Variants in ST8SIA5 observed in about 807,000 individuals in gnomAD.
ST8SIA5 encodes alpha-2,8-sialyltransferase 8E.
ST8SIA5 carries 24 observed loss-of-function variants against 40.2 expected under a neutral mutation model. The observed-to-expected ratio is 0.60, with a 90% CI of 0.43 to 0.84. ST8SIA5 has a LOEUF of 0.84. ST8SIA5 is among the 40% of genes least tolerant of loss of function. The probability of loss-of-function intolerance (pLI) is 0.00; values close to 1 mark genes in which losing one functional copy is unlikely to be tolerated. For synonymous variants in ST8SIA5, 198 were observed against 201.8 expected, an observed-to-expected ratio of 0.98 and a Z score of 0.16; for missense variants, 465 against 498.5, an observed-to-expected ratio of 0.93 and a Z score of 0.64.
In ST8SIA5 at chr18:46,682,010, C is replaced by T. The variant is rs375006260; in HGVS notation, c.624G>A (p.Thr208=). The change falls in exon 6 of 7, where the codon ACG becomes ACA. Residue 208 remains threonine, a synonymous_variant. Coordinates refer to ENST00000315087, the MANE Select transcript of ST8SIA5 (RefSeq NM_013305.6). ...EKYTMDVGVK[T]DVVTVNPSII... ...TGCTGGGGTTCACAGTGACCACATC[C>T]GTCTTCACCCCCACATCCATGGTGT... The T allele has an allele frequency of 1.8e-5, 29 of 1,613,610 alleles. No homozygotes were observed. Among genetic ancestry groups the T allele is most frequent in the East Asian group, 1.3e-4 (6 of 44,884 alleles).
At chr18:46,681,249 G>T (rs2039392283) in intron 6 of ST8SIA5, among the ~76,000 whole-genome samples, 1 of 152,050 alleles carries the variant, frequency 6.6e-6, no homozygotes, top group Non-Finnish European at 1.5e-5. Flanking sequence ...AAGTGCTGTG[G>T]TTATAGGCAT....
chr18:46,739,983 C>T (rs2040072699), intron 1 of ST8SIA5, among the ~76,000 whole-genome samples: 1 of 152,148 alleles, frequency 6.6e-6, no homozygotes, highest in African/African-American at 2.4e-5. Flanking sequence ...TATTGCAGCT[C>T]AATTTCTCCC....
At chr18:46,715,317 G>A (rs1038368141) in intron 1 of ST8SIA5, among the ~76,000 whole-genome samples, 9 of 152,214 alleles carry the variant, frequency 5.9e-5, no homozygotes, top group East Asian at 1.9e-4. Flanking sequence ...TGCAGGGGTC[G>A]CACTGCCCCC....
rs143934927 is a variant in ST8SIA5 at position 46,699,920 on chromosome 18, G to A, written c.224+4652C>T. Among the ~76,000 whole-genome samples, 410 of 152,282 alleles carry A rather than the reference G, an allele frequency of 2.7e-3. 3 individuals carry two copies. The highest frequency in any genetic ancestry group is 9.3e-3 in the African/African-American group (388 of 41,570). On this transcript the variant is annotated intron_variant, in intron 2 of 6. Transcript: ENST00000315087. ...GTGGGCATTTGCCCAGCTGGCCTTT[G>A]CTCCCAGCCTCTTTCTTGGTCTCAG...
chr18:46,686,605 G>A (rs1212303160), intron 4 of ST8SIA5, among the ~76,000 whole-genome samples: 2 of 152,162 alleles, frequency 1.3e-5, no homozygotes, highest in Non-Finnish European at 2.9e-5. Context: ...GGTGGGACCA[G>A]CAGCCTGGTG....
Position 46,707,323 on chromosome 18 carries a change from G to A in ST8SIA5, c.132-2659C>T, listed in dbSNP as rs78477455. Among the ~76,000 whole-genome samples, 14 of 152,264 alleles carry A rather than the reference G, an allele frequency of 9.2e-5. No homozygotes were observed. The South Asian group carries it at 1.2e-3, about 14-fold the overall frequency. Reference sequence around the variant, plus strand: ...AATTGGGGACTTGCAGACACATCTCGGATATGGCTACAAACCAGCTGTGTG... The same window carrying A: ...AATTGGGGACTTGCAGACACATCTCAGATATGGCTACAAACCAGCTGTGTG... On this transcript the variant is annotated intron_variant, in intron 1 of 6. Transcript: ENST00000315087.
chr18:46,719,218 A>C (rs1217099393), intron 1 of ST8SIA5, among the ~76,000 whole-genome samples: 1 of 152,216 alleles, frequency 6.6e-6, no homozygotes, highest in Non-Finnish European at 1.5e-5. Context: ...TGTTGCATCA[A>C]AGGCACCTGA....
At chr18:46,725,818 CA>C (rs1198227693) in intron 1 of ST8SIA5, among the ~76,000 whole-genome samples, 1 of 150,628 alleles carries the variant, frequency 6.6e-6, no homozygotes, top group Non-Finnish European at 1.5e-5. Context: ...AGGAAGATGA[CA>C]AAATGAAAAA....
chr18:46,711,338 A>G (rs2144512040), intron 1 of ST8SIA5, among the ~76,000 whole-genome samples: 1 of 152,318 alleles, frequency 6.6e-6, no homozygotes, highest in Non-Finnish European at 1.5e-5. Context: ...TGAGGCAAGC[A>G]TAATTTCCCC....
chr18:46,708,411 A>G (rs985071080), intron 1 of ST8SIA5, among the ~76,000 whole-genome samples: 5 of 152,084 alleles, frequency 3.3e-5, no homozygotes, highest in Admixed American at 1.3e-4. Context: ...CTCATTAACC[A>G]TGTGCTTCTG....
At chr18:46,685,488 T>C (rs989174144) in intron 5 of ST8SIA5, among the ~76,000 whole-genome samples, 2 of 151,920 alleles carry the variant, frequency 1.3e-5, no homozygotes, top group South Asian at 2.1e-4. Flanking sequence ...GGGGCTGGGG[T>C]TGGACAGCCA....
At chr18:46,739,204 C>T (rs913471814) in intron 1 of ST8SIA5, among the ~76,000 whole-genome samples, 1 of 152,046 alleles carries the variant, frequency 6.6e-6, no homozygotes, top group Non-Finnish European at 1.5e-5. Flanking sequence ...TCGGAGGCAG[C>T]GTGGGTGAAG....
intron 1 of ST8SIA5, among the ~76,000 whole-genome samples, chr18:46,715,775 C>T (rs1011641621): frequency 2.6e-5 from 4 of 151,790 alleles, no homozygotes; most frequent in Non-Finnish European, 5.9e-5. Context: ...TTGGTAGAGA[C>T]GAGGTCTTGC....
At chr18:46,734,216 G>C (rs576551215) in intron 1 of ST8SIA5, among the ~76,000 whole-genome samples, 3 of 152,128 alleles carry the variant, frequency 2.0e-5, no homozygotes, top group Non-Finnish European at 4.4e-5. Context: ...TGTGACTTAC[G>C]TTACTTTCCT....
At chr18:46,737,370 C>A (rs941772659) in intron 1 of ST8SIA5, among the ~76,000 whole-genome samples, 1 of 152,192 alleles carries the variant, frequency 6.6e-6, no homozygotes, top group African/African-American at 2.4e-5. Flanking sequence ...ATGTTTGTCT[C>A]TTTAAGTGTT....
chr18:46,755,279 C>T (rs1599161813), intron 1 of ST8SIA5, among the ~76,000 whole-genome samples: 1 of 152,166 alleles, frequency 6.6e-6, no homozygotes, highest in East Asian at 1.9e-4. Context: ...GATGTATCCA[C>T]CTCACCCAAA....
In ST8SIA5 at chr18:46,686,230, G is replaced by A. The variant is rs554033816; in HGVS notation, c.513C>T (p.Gly171=). The A allele has an allele frequency of 1.9e-6, 3 of 1,614,162 alleles. No homozygotes were observed. Among genetic ancestry groups the A allele is most frequent in the Admixed American group, 3.3e-5 (2 of 60,012 alleles). The part of the protein sequence containing the change: ...FKKCAVVGNG[G]ILKNSRCGRE... The stretch of plus-strand genomic sequence containing the variant: ...TCCCGCAGCGGCTGTTCTTCAAGAT[G>A]CCTCCGTTGCCCACTACAGCACACT... Residue 171 remains glycine, a synonymous_variant, in exon 5 of 7, where the codon GGC becomes GGT. Transcript: ENST00000315087.
At chr18:46,737,777 T>A (rs2040048890) in intron 1 of ST8SIA5, among the ~76,000 whole-genome samples, 1 of 146,806 alleles carries the variant, frequency 6.8e-6, no homozygotes, top group Non-Finnish European at 1.5e-5. Context: ...TAATAATTAA[T>A]TTTTTTTTTT....
intron 1 of ST8SIA5, among the ~76,000 whole-genome samples, chr18:46,755,456 T>C (rs2040233531): frequency 6.6e-6 from 1 of 152,118 alleles, no homozygotes; most frequent in African/African-American, 2.4e-5. Flanking sequence ...GAGAGAGGGC[T>C]CTTGCCAAGA....
Sources: allele counts gnomAD v4.1 joint callset (sites outside exome capture counted in the v4.1 genomes callset), GRCh38; gene constraint gnomAD v4.1.1; transcripts MANE v1.5; gene names NCBI Gene and HGNC (gene_info 2026-07-23, HGNC 2026-07-21).